Variants in ERBB4 observed in about 807,000 individuals in gnomAD.
The protein encoded by ERBB4 is receptor tyrosine-protein kinase erbB-4.
A neutral mutation model predicts 158.0 loss-of-function variants in ERBB4; 42 were observed. The ratio of observed to expected loss-of-function variants is 0.27; its 90% CI spans 0.21 to 0.34. The LOEUF is 0.34. Among genes scored for constraint, ERBB4 ranks in the 10% least tolerant of loss-of-function variants. ERBB4 has a pLI of 1.00. For missense variants in ERBB4, 1,333 were observed against 1,624.1 expected, an observed-to-expected ratio of 0.82 and a Z score of 3.08; for synonymous variants, 583 against 558.7, an observed-to-expected ratio of 1.04 and a Z score of -0.61.
chr2:212,007,332 T>A (rs1224145754), intron 2 of ERBB4, among the ~76,000 whole-genome samples: 1 of 151,796 alleles, frequency 6.6e-6, no homozygotes, highest in African/African-American at 2.4e-5. Flanking sequence ...ATCAAAAATA[T>A]CAAAGGACTA....
At chr2:212,214,363 C>T (rs1324227232) in intron 1 of ERBB4, among the ~76,000 whole-genome samples, 1 of 151,504 alleles carries the variant, frequency 6.6e-6, no homozygotes. Flanking sequence ...TTTAAAGAAC[C>T]ACATATAACT....
chr2:211,958,441 CA>C (rs1458848142), intron 2 of ERBB4, among the ~76,000 whole-genome samples: 1 of 152,052 alleles, frequency 6.6e-6, no homozygotes, highest in African/African-American at 2.4e-5. Context: ...TACAAATTTT[CA>C]AATAATTACA....
At chr2:212,317,361 A>G (rs988450934) in intron 1 of ERBB4, among the ~76,000 whole-genome samples, 2 of 151,522 alleles carry the variant, frequency 1.3e-5, no homozygotes, top group African/African-American at 4.8e-5. Context: ...CCTTAATTCC[A>G]AAGCAACAGT....
At chr2:212,147,454 A>G (rs2125620230) in intron 1 of ERBB4, among the ~76,000 whole-genome samples, 1 of 152,148 alleles carries the variant, frequency 6.6e-6, no homozygotes, top group South Asian at 2.1e-4. Flanking sequence ...TATGTTCAGA[A>G]TTACCTAGAC....
intron 4 of ERBB4, among the ~76,000 whole-genome samples, chr2:211,775,308 GTAAAGTTA>G (rs945585815): frequency 6.6e-6 from 1 of 152,166 alleles, no homozygotes; most frequent in Admixed American, 6.6e-5. Flanking sequence ...AGTTCTCTGT[GTAAAGTTA>G]TTTCTAGTTA....
chr2:212,147,874 A>G (rs1268876215), intron 1 of ERBB4, among the ~76,000 whole-genome samples: 1 of 152,058 alleles, frequency 6.6e-6, no homozygotes, highest in Admixed American at 6.6e-5. Flanking sequence ...GGGGAGTTGG[A>G]ATCCTTATTT....
rs2062543640 is a variant in ERBB4 at position 211,379,763 on chromosome 2, A to G, written c.*3852T>C. On this transcript the variant is annotated 3_prime_UTR_variant, in exon 28 of 28. Transcript: ENST00000342788. ...ACATATACTAGTTAAATTATCAACA[A>G]TTACAGATGGATGAATAATTCCAGT... The G allele has an allele frequency of 4.3e-6, 1 of 232,008 alleles. No homozygotes were observed. Among genetic ancestry groups the G allele is most frequent in the African/African-American group, 2.2e-5 (1 of 45,278 alleles). The allele number at this position is 232,008 out of a possible 1,614,324, so 14.4% of individuals were successfully genotyped here.
chr2:212,226,147 T>C (rs967056022), intron 1 of ERBB4, among the ~76,000 whole-genome samples: 1 of 152,134 alleles, frequency 6.6e-6, no homozygotes, highest in Non-Finnish European at 1.5e-5. Flanking sequence ...GGAAGCTATA[T>C]GGCTAGGACC....
chr2:211,697,355 TA>T (rs955189503), intron 12 of ERBB4, among the ~76,000 whole-genome samples: 7 of 152,170 alleles, frequency 4.6e-5, no homozygotes, highest in African/African-American at 1.7e-4. Flanking sequence ...ATATTGTTTT[TA>T]AAGTACTAGA....
At chr2:212,447,240 G>A (rs577928909) in intron 1 of ERBB4, among the ~76,000 whole-genome samples, 24 of 151,888 alleles carry the variant, frequency 1.6e-4, no homozygotes, top group African/African-American at 2.7e-4. Context: ...CTTGTGATTC[G>A]TGCACCTCGG....
chr2:212,099,172 TAAA>T (rs2079012963), intron 2 of ERBB4, among the ~76,000 whole-genome samples: 7 of 129,826 alleles, frequency 5.4e-5, no homozygotes, highest in Admixed American at 3.8e-4. Context: ...AATAAATAAA[TAAA>T]TAAATAAATA....
intron 2 of ERBB4, among the ~76,000 whole-genome samples, chr2:212,007,414 C>T (rs6734102): frequency 2.0e-5 from 3 of 151,386 alleles, no homozygotes; most frequent in African/African-American, 4.8e-5. Flanking sequence ...ATATAATGCC[C>T]GTTATTATGG....
At chr2:212,479,211 C>T (rs954764130) in intron 1 of ERBB4, among the ~76,000 whole-genome samples, 1 of 152,060 alleles carries the variant, frequency 6.6e-6, no homozygotes, top group Non-Finnish European at 1.5e-5. Context: ...TACTTAAGCC[C>T]CATCTTCCTG....
intron 20 of ERBB4, among the ~76,000 whole-genome samples, chr2:211,539,648 C>A (rs2066746034): frequency 6.6e-6 from 1 of 151,910 alleles, no homozygotes; most frequent in Non-Finnish European, 1.5e-5. Flanking sequence ...CATTTGAATT[C>A]ATTTAAAGGA....
Position 212,008,502 on chromosome 2 carries a change from AAATG to A in ERBB4, c.235-60890_235-60887del, listed in dbSNP as rs1295425329. On this transcript the variant is annotated intron_variant, in intron 2 of 27. Coordinates refer to ENST00000342788, the MANE Select transcript of ERBB4 (RefSeq NM_005235.3). Reference sequence around the variant, plus strand: ...GTTGTTTAATGCACATTTGTTGAATAAATGAATGAACAAATACAAAAATTTTGAA... The same window carrying A: ...GTTGTTTAATGCACATTTGTTGAATAAATGAACAAATACAAAAATTTTGAA... 2.2e-4 allele frequency among the ~76,000 whole-genome samples: 34 copies of A among 152,116 alleles called. 1 individual carries two copies. Among genetic ancestry groups the A allele is most frequent in the Non-Finnish European group, 1.3e-4 (9 of 67,964 alleles).
chr2:212,225,456 C>T (rs944243127), intron 1 of ERBB4, among the ~76,000 whole-genome samples: 3 of 113,694 alleles, frequency 2.6e-5, no homozygotes, highest in African/African-American at 9.8e-5. Context: ...CTTGATCTTT[C>T]GAATTATGAA....
chr2:212,204,011 T>C (rs2082663076), intron 1 of ERBB4, among the ~76,000 whole-genome samples: 1 of 152,240 alleles, frequency 6.6e-6, no homozygotes, highest in African/African-American at 2.4e-5. Context: ...TAGTCAAACA[T>C]GCATGAATGT....
intron 1 of ERBB4, among the ~76,000 whole-genome samples, chr2:212,378,598 T>C (rs944578878): frequency 6.6e-5 from 10 of 151,888 alleles, no homozygotes; most frequent in Admixed American, 2.0e-4. Flanking sequence ...CGCTCATTTT[T>C]TTTTCCCCTT....
chr2:212,242,378 T>C (rs1164491356), intron 1 of ERBB4, among the ~76,000 whole-genome samples: 1 of 152,110 alleles, frequency 6.6e-6, no homozygotes, highest in Non-Finnish European at 1.5e-5. Flanking sequence ...TATATTTTAT[T>C]AAAACATGTA....
Sources: gnomAD v4.1 joint callset for allele counts (sites outside exome capture counted in the v4.1 genomes callset) on GRCh38, gnomAD v4.1.1 for gene constraint, MANE v1.5 for transcripts, NCBI Gene and HGNC (gene_info 2026-07-23, HGNC 2026-07-21) for gene names.